The following NOVA1 variants were observed in gnomAD, a reference collection of about 807,000 sequenced individuals.
NOVA1 encodes the protein NOVA alternative splicing regulator 1.
In NOVA1, 7 loss-of-function variants were observed where a neutral mutation model predicts 38.0. That is an observed-to-expected ratio of 0.18 (90% CI 0.10 to 0.35). The LOEUF is 0.35. Among genes scored for constraint, NOVA1 ranks in the 10% least tolerant of loss-of-function variants. The pLI, the probability that NOVA1 is intolerant of heterozygous loss-of-function variation, is 1.00. For missense variants in NOVA1, 460 were observed against 616.0 expected, an observed-to-expected ratio of 0.75 and a Z score of 2.68; for synonymous variants, 270 against 232.5, an observed-to-expected ratio of 1.16 and a Z score of -1.47.
chr14:26,456,899 T>C (rs1348599549), intron 4 of NOVA1, among the ~76,000 whole-genome samples: 6 of 151,804 alleles, frequency 4.0e-5, no homozygotes, highest in Non-Finnish European at 8.8e-5. Flanking sequence ...TATGAAATTA[T>C]AAAATGATGT....
In NOVA1 at chr14:26,448,523, A is replaced by G; in HGVS notation, c.960T>C (p.Asn320=). 4 of 1,614,200 alleles carry G rather than the reference A, an allele frequency of 2.5e-6. No individual in the cohort carries two copies. The highest frequency in any genetic ancestry group is 1.1e-5 in the South Asian group (1 of 91,082). The part of the protein sequence containing the change: ...NDLVAITSAL[N]TLASYGYNLN... ...GATTATATCCATAGCTGGCTAATGTATTAAGTGCAGAGGTGATGGCCACCA... is the reference window on the plus strand; with the variant it reads ...GATTATATCCATAGCTGGCTAATGTGTTAAGTGCAGAGGTGATGGCCACCA... The change falls in exon 5 of 5, where the codon AAT becomes AAC. Residue 320 remains asparagine, a synonymous_variant. Coordinates refer to ENST00000539517, the MANE Select transcript of NOVA1 (RefSeq NM_002515.3). The surrounding 1 kb of genome is among the most constrained non-coding windows in gnomAD (Gnocchi z 5.3).
At chr14:26,578,131 G>C (rs1231865144) in intron 2 of NOVA1, among the ~76,000 whole-genome samples, 1 of 152,076 alleles carries the variant, frequency 6.6e-6, no homozygotes, top group Non-Finnish European at 1.5e-5. Flanking sequence ...ATATAAAAAG[G>C]AGGACTGAGA....
At chr14:26,496,067 G>A (rs1214038974) in intron 2 of NOVA1, among the ~76,000 whole-genome samples, 5 of 143,806 alleles carry the variant, frequency 3.5e-5, no homozygotes, top group South Asian at 2.5e-4. Context: ...CTGAGGAATC[G>A]CCACACTGAC....
intron 2 of NOVA1, among the ~76,000 whole-genome samples, chr14:26,510,767 T>C (rs149239100): frequency 1.3e-5 from 2 of 152,306 alleles, no homozygotes; most frequent in South Asian, 4.1e-4. Flanking sequence ...TGGTTTCTCC[T>C]CTTCACTCAA....
At chr14:26,595,592 T>C in intron 1 of NOVA1, 39 bp from the exon 2 acceptor site, 1 of 1,589,028 alleles carries the variant, frequency 6.3e-7, no homozygotes, top group Non-Finnish European at 8.6e-7. Flanking sequence ...TAACACAGTA[T>C]TTCAAACTTT....
intron 2 of NOVA1, among the ~76,000 whole-genome samples, chr14:26,486,702 A>AAAAAAAAAAAAAAAAAAAAAAAAAAC: frequency 6.8e-6 from 1 of 147,538 alleles, no homozygotes. Flanking sequence ...GACTCAAAAA[A>AAAAAAAAAAAAAAAAAAAAAAAAAAC]AAAAAAAAAA....
At chr14:26,484,772 T>G (rs1264929322) in intron 2 of NOVA1, among the ~76,000 whole-genome samples, 1 of 152,202 alleles carries the variant, frequency 6.6e-6, no homozygotes, top group Non-Finnish European at 1.5e-5. Flanking sequence ...CAGCATTTTA[T>G]GCTGTCAGTA....
rs118078391 is a variant in NOVA1 at position 26,474,172 on chromosome 14, A to T, written c.448-1781T>A. ...AGATTAATAATGAGTCTGGTGACTAAGTATGTGTTAAATCTAGAGATCATT... is the reference window on the plus strand; with the variant it reads ...AGATTAATAATGAGTCTGGTGACTATGTATGTGTTAAATCTAGAGATCATT... On this transcript the variant is annotated intron_variant, in intron 3 of 4. Coordinates refer to ENST00000539517, the MANE Select transcript of NOVA1 (RefSeq NM_002515.3). 5.1e-4 allele frequency among the ~76,000 whole-genome samples: 78 copies of T among 152,164 alleles called. 2 individuals are homozygous for T. The East Asian group carries it at 0.014, about 26-fold the overall frequency.
chr14:26,476,143 T>A (rs1884967888), intron 3 of NOVA1, among the ~76,000 whole-genome samples: 1 of 152,174 alleles, frequency 6.6e-6, no homozygotes, highest in Non-Finnish European at 1.5e-5. Flanking sequence ...TTAACTGTCA[T>A]CTTTAGTTTT....
At position 26,525,853 on chromosome 14, in the gene NOVA1, T is replaced by A. The variant is rs553846551; in HGVS notation, c.281-45710A>T. The stretch of plus-strand genomic sequence containing the variant: ...TATCCCACAAAGTAAAAAATTAATA[T>A]ATTTGTCTTGAGGGGCGTCAGGGAT... On this transcript the variant is annotated intron_variant, in intron 2 of 4. Coordinates refer to ENST00000539517, the MANE Select transcript of NOVA1 (RefSeq NM_002515.3). 3.9e-5 allele frequency among the ~76,000 whole-genome samples: 6 copies of A among 152,198 alleles called. No individual in the cohort carries two copies. In the East Asian group the frequency reaches 9.7e-4, roughly 25 times the overall value.
At chr14:26,561,454 A>G (rs560840444) in intron 2 of NOVA1, among the ~76,000 whole-genome samples, 1 of 152,342 alleles carries the variant, frequency 6.6e-6, no homozygotes, top group Non-Finnish European at 1.5e-5. Flanking sequence ...AAACTTCTTT[A>G]TTCTTTAACA....
chr14:26,456,233 G>A (rs1883168124), intron 4 of NOVA1, among the ~76,000 whole-genome samples: 1 of 151,890 alleles, frequency 6.6e-6, no homozygotes, highest in Non-Finnish European at 1.5e-5. Context: ...TAAACATAGG[G>A]CTGTGTTCAT....
intron 2 of NOVA1, among the ~76,000 whole-genome samples, chr14:26,495,002 C>A (rs1333504198): frequency 6.6e-6 from 1 of 152,166 alleles, no homozygotes; most frequent in Non-Finnish European, 1.5e-5. Context: ...CTGCTGAGCT[C>A]TCGTCAGTCC....
In NOVA1 at chr14:26,453,292, C is replaced by T. The variant is rs117295411; in HGVS notation, c.520-4329G>A. Reference sequence around the variant, plus strand: ...ACACAATCATAGCTCACTGCAGCCTCGAACTCCTGGGCTGAAGCGATCCAC... The same window carrying T: ...ACACAATCATAGCTCACTGCAGCCTTGAACTCCTGGGCTGAAGCGATCCAC... On this transcript the variant is annotated intron_variant, in intron 4 of 4. Transcript: ENST00000539517. Among the ~76,000 whole-genome samples, 366 of 152,082 alleles carry T rather than the reference C, an allele frequency of 2.4e-3. 8 individuals are homozygous for T. The East Asian group carries it at 0.055, about 23-fold the overall frequency.
At chr14:26,558,144 G>A (rs1355760525) in intron 2 of NOVA1, among the ~76,000 whole-genome samples, 1 of 151,956 alleles carries the variant, frequency 6.6e-6, no homozygotes, top group Non-Finnish European at 1.5e-5. Flanking sequence ...TGGACAGGTA[G>A]AAAACAGGGA....
rs529682143 is a variant in NOVA1 at position 26,557,996 on chromosome 14, G to GAAA, written c.280+37411_280+37413dup. On this transcript the variant is annotated intron_variant, in intron 2 of 4. Coordinates refer to ENST00000539517, the MANE Select transcript of NOVA1 (RefSeq NM_002515.3). ...GAACCTTAAACGCATCTTGTTAAATGAAAAAAAAAAAAAGGTCAATCTAAA... is the reference window on the plus strand; with the variant it reads ...GAACCTTAAACGCATCTTGTTAAATGAAAAAAAAAAAAAAAAGGTCAATCTAAA... Among the ~76,000 whole-genome samples, 6 of 126,930 alleles carry GAAA rather than the reference G, an allele frequency of 4.7e-5. No homozygotes were observed. The South Asian group carries it at 1.5e-3, about 32-fold the overall frequency. 83.3% of individuals were successfully genotyped at this position (126,930 alleles called of 152,430 possible).
intron 2 of NOVA1, among the ~76,000 whole-genome samples, chr14:26,548,383 T>C (rs779391107): frequency 7.9e-5 from 12 of 152,226 alleles, no homozygotes; most frequent in East Asian, 3.9e-4. Flanking sequence ...AACATAGATA[T>C]GTGCACATTA....
chr14:26,583,027 A>C, intron 2 of NOVA1, among the ~76,000 whole-genome samples: 1 of 151,804 alleles, frequency 6.6e-6, no homozygotes, highest in East Asian at 1.9e-4. Flanking sequence ...AGCATAGCTG[A>C]AAGTGTGATA....
chr14:26,528,268 G>A (rs117599885), intron 2 of NOVA1, among the ~76,000 whole-genome samples: 405 of 152,238 alleles, frequency 2.7e-3, no homozygotes, highest in Middle Eastern at 6.8e-3. Flanking sequence ...TGCTTACTAG[G>A]TTTAGGCAGT....
Sources: gnomAD v4.1 joint callset for allele counts (sites outside exome capture counted in the v4.1 genomes callset) on GRCh38, gnomAD v4.1.1 for gene constraint, Gnocchi (gnomAD v3.1) non-coding constraint, MANE v1.5 for transcripts, NCBI Gene and HGNC (gene_info 2026-07-23, HGNC 2026-07-21) for gene names.